Variants in PDZRN4 observed in about 807,000 individuals in gnomAD.
The protein encoded by PDZRN4 is PDZ domain containing ring finger 4.
In PDZRN4, 70 loss-of-function variants were observed where a neutral mutation model predicts 99.0. That is an observed-to-expected ratio of 0.71 (90% CI 0.58 to 0.86). The LOEUF (loss-of-function observed/expected upper bound fraction) is 0.86, where lower values mean the gene tolerates loss of function less well. PDZRN4 is among the 40% of genes least tolerant of loss of function. PDZRN4 has a pLI of 0.00. For synonymous variants in PDZRN4, 551 were observed against 501.6 expected (o/e 1.10, Z -1.32); for missense variants, 1,474 against 1,331.2 (o/e 1.11, Z -1.67).
chr12:41,571,069 T>C (rs1052420334), intron 9 of PDZRN4, among the ~76,000 whole-genome samples: 2 of 152,144 alleles, frequency 1.3e-5, no homozygotes, highest in Non-Finnish European at 2.9e-5. Context: ...TAGCACTAGC[T>C]GTTGGCTTGA....
chr12:41,301,897 C>G (rs879353290), intron 3 of PDZRN4, among the ~76,000 whole-genome samples: 1 of 152,026 alleles, frequency 6.6e-6, no homozygotes, highest in African/African-American at 2.4e-5. Flanking sequence ...TCTCACATGT[C>G]TCATCTCTGA....
At chr12:41,484,733 T>A (rs1341169997) in intron 3 of PDZRN4, among the ~76,000 whole-genome samples, 5 of 152,196 alleles carry the variant, frequency 3.3e-5, no homozygotes, top group African/African-American at 1.2e-4. Flanking sequence ...CAGTGTATCT[T>A]TGGGCTATTT....
intron 3 of PDZRN4, among the ~76,000 whole-genome samples, chr12:41,417,970 C>G (rs1036681017): frequency 2.0e-5 from 3 of 152,138 alleles, no homozygotes; most frequent in African/African-American, 7.2e-5. Context: ...ATTGTTTATC[C>G]TTGCAACAAA....
intron 3 of PDZRN4, among the ~76,000 whole-genome samples, chr12:41,423,105 C>T (rs1952505668): frequency 6.6e-6 from 1 of 152,066 alleles, no homozygotes; most frequent in Non-Finnish European, 1.5e-5. Flanking sequence ...TTGTACTCCT[C>T]AGGAGTAATT....
rs539079712 is a variant in PDZRN4 at position 41,278,553 on chromosome 12, G to A, written c.843+84365G>A. 2.0e-5 allele frequency among the ~76,000 whole-genome samples: 3 copies of A among 152,250 alleles called. No homozygotes were observed. In the South Asian group the frequency reaches 6.2e-4, roughly 32 times the overall value. On this transcript the variant is annotated intron_variant, in intron 3 of 9. Transcript: ENST00000402685. ...CACTGTCCCTAAAACCCTGCTAGAG[G>A]GGCCAGCTATTTCTGTGCTTCTGAT... is the stretch of plus-strand genomic sequence containing the variant.
At chr12:41,391,193 C>T (rs917983437) in intron 3 of PDZRN4, among the ~76,000 whole-genome samples, 3 of 152,144 alleles carry the variant, frequency 2.0e-5, no homozygotes, top group Non-Finnish European at 4.4e-5. Context: ...AGAGTGCCCC[C>T]CTGAAGAAGG....
chr12:41,476,262 C>G (rs1592075844), intron 3 of PDZRN4, among the ~76,000 whole-genome samples: 1 of 152,138 alleles, frequency 6.6e-6, no homozygotes, highest in African/African-American at 2.4e-5. Context: ...AATAGTTGTT[C>G]CTGCAAAATT....
chr12:41,430,251 C>T (rs559028673), intron 3 of PDZRN4, among the ~76,000 whole-genome samples: 5 of 152,208 alleles, frequency 3.3e-5, no homozygotes, highest in South Asian at 2.1e-4. Flanking sequence ...GGGTGGATCA[C>T]GAGGTCAAGA....
intron 3 of PDZRN4, among the ~76,000 whole-genome samples, chr12:41,310,420 C>CT (rs561243985): frequency 1.3e-5 from 2 of 151,110 alleles, no homozygotes; most frequent in African/African-American, 2.4e-5. Flanking sequence ...CTTCATCCTC[C>CT]TTTTTTTTTC....
chr12:41,231,713 C>T (rs1482131479), intron 3 of PDZRN4, among the ~76,000 whole-genome samples: 3 of 152,012 alleles, frequency 2.0e-5, no homozygotes, highest in African/African-American at 7.2e-5. Flanking sequence ...CCTAACTTTG[C>T]TATATGACAG....
intron 3 of PDZRN4, among the ~76,000 whole-genome samples, chr12:41,257,777 A>T (rs1157675402): frequency 6.6e-6 from 1 of 152,162 alleles, no homozygotes; most frequent in Non-Finnish European, 1.5e-5. Flanking sequence ...TCTCAAATGG[A>T]AATTGACTGT....
At position 41,297,206 on chromosome 12, in the gene PDZRN4, G is replaced by A. The variant is rs929847759; in HGVS notation, c.843+103018G>A. 2.7e-4 allele frequency among the ~76,000 whole-genome samples: 41 copies of A among 152,086 alleles called. 1 individual carries two copies. The highest frequency in any genetic ancestry group is 9.2e-4 in the African/African-American group (38 of 41,520). On this transcript the variant is annotated intron_variant, in intron 3 of 9. Coordinates refer to ENST00000402685, the MANE Select transcript of PDZRN4 (RefSeq NM_001164595.2). ...TCCACAAACTTTTTGAAGTCCCCTT[G>A]TATAACAAACCAAAATATATCATAC...
At chr12:41,398,144 C>T (rs1261602022) in intron 3 of PDZRN4, among the ~76,000 whole-genome samples, 1 of 152,130 alleles carries the variant, frequency 6.6e-6, no homozygotes, top group African/African-American at 2.4e-5. Flanking sequence ...AATCTACTCT[C>T]AATATGACAA....
intron 3 of PDZRN4, among the ~76,000 whole-genome samples, chr12:41,400,714 A>G (rs2121139375): frequency 6.6e-6 from 1 of 152,278 alleles, no homozygotes; most frequent in African/African-American, 2.4e-5. Context: ...AATCTAAACT[A>G]GCCCTCAATG....
At chr12:41,438,463 A>G (rs1385131591) in intron 3 of PDZRN4, among the ~76,000 whole-genome samples, 2 of 152,206 alleles carry the variant, frequency 1.3e-5, no homozygotes, top group Non-Finnish European at 2.9e-5. Flanking sequence ...AAATTATTGG[A>G]TGAATTGAGA....
intron 8 of PDZRN4, among the ~76,000 whole-genome samples, chr12:41,564,276 G>A (rs285548): frequency 0.22 from 33,498 of 152,086 alleles, 3,805 homozygotes; most frequent in South Asian, 0.32. Context: ...CAATTGTCCA[G>A]CCAAAAACTG....
chr12:41,360,939 AGTGT>A (rs10522706), intron 3 of PDZRN4, among the ~76,000 whole-genome samples: 2,761 of 150,468 alleles, frequency 0.018, 30 homozygotes, highest in Middle Eastern at 0.038. Context: ...GAATAAGTAA[AGTGT>A]GTGTGTGTGT....
chr12:41,218,494 T>A (rs73119046), intron 3 of PDZRN4, among the ~76,000 whole-genome samples: 1 of 152,012 alleles, frequency 6.6e-6, no homozygotes, highest in Non-Finnish European at 1.5e-5. Context: ...TGTGCTTTTG[T>A]TTCAAAAAAA....
intron 3 of PDZRN4, among the ~76,000 whole-genome samples, chr12:41,306,491 C>A (rs1951570292): frequency 6.6e-6 from 1 of 152,178 alleles, no homozygotes; most frequent in East Asian, 1.9e-4. Context: ...CCCTTCAGTT[C>A]TAGCTGGCAA....
Sources: gnomAD v4.1 joint callset for allele counts (sites outside exome capture counted in the v4.1 genomes callset) on GRCh38, gnomAD v4.1.1 for gene constraint, MANE v1.5 for transcripts, NCBI Gene and HGNC (gene_info 2026-07-23, HGNC 2026-07-21) for gene names.